ATP8A2: variants seen among roughly 807,000 people sequenced by gnomAD.
ATP8A2 encodes the protein ATPase phospholipid transporting 8A2.
ATP8A2 carries 100 observed loss-of-function variants against 165.6 expected under a neutral mutation model. The ratio of observed to expected loss-of-function variants is 0.60; its 90% CI spans 0.51 to 0.71. The LOEUF (loss-of-function observed/expected upper bound fraction) is 0.71, where lower values mean the gene tolerates loss of function less well. ATP8A2 is among the 30% of genes least tolerant of loss of function. The pLI is 0.00. For synonymous variants in ATP8A2, 543 were observed against 548.8 expected, an observed-to-expected ratio of 0.99 and a Z score of 0.15; for missense variants, 1,227 against 1,479.5, an observed-to-expected ratio of 0.83 and a Z score of 2.80.
At chr13:25,384,837 C>T (rs1050520039) in intron 1 of ATP8A2, among the ~76,000 whole-genome samples, 1 of 152,076 alleles carries the variant, frequency 6.6e-6, no homozygotes, top group Non-Finnish European at 1.5e-5. Context: ...CTTATGATTC[C>T]AGAACCCCCA....
At chr13:25,665,360 A>AG (rs2042130592) in intron 24 of ATP8A2, among the ~76,000 whole-genome samples, 1 of 152,142 alleles carries the variant, frequency 6.6e-6, no homozygotes, top group Non-Finnish European at 1.5e-5. Flanking sequence ...TGGGAGGCTG[A>AG]GGAGGGAGGC....
intron 33 of ATP8A2, among the ~76,000 whole-genome samples, chr13:25,957,712 C>A (rs543370857): frequency 6.6e-6 from 1 of 152,252 alleles, no homozygotes; most frequent in East Asian, 1.9e-4. Flanking sequence ...TGTGGTGATT[C>A]CTCAGGGATC....
In ATP8A2 at chr13:25,540,368, A is replaced by G; in HGVS notation, c.631A>G (p.Thr211Ala). The part of the protein sequence containing the change: ...YVETANLDGE[T>A]NLKIRQGLSH... ...TGAAACAGCTAATCTGGATGGGGAG[A>G]CGAACCTTAAAATACGTCAGGTAAA... Residue 211 changes from threonine (T) to alanine (A), a missense_variant, in exon 8 of 37, where the codon ACG becomes GCG. Physicochemically the swap from Thr to Ala is moderately conservative, Grantham distance 58 (BLOSUM62 0). This residue lies in a region of ATP8A2 where 356 missense variants were observed against 394.9 expected (regional missense o/e 0.90). Transcript: ENST00000381655. The G allele has an allele frequency of 6.2e-7, 1 of 1,613,656 alleles. No homozygotes were observed. The highest frequency in any genetic ancestry group is 8.5e-7 in the Non-Finnish European group (1 of 1,179,584).
chr13:25,625,785 T>C (rs2137482163), intron 24 of ATP8A2, among the ~76,000 whole-genome samples: 1 of 152,344 alleles, frequency 6.6e-6, no homozygotes, highest in East Asian at 1.9e-4. Context: ...CCAAAAGGCA[T>C]AATTGGTGTA....
At chr13:25,526,082 A>G (rs759715031) in intron 2 of ATP8A2, among the ~76,000 whole-genome samples, 1 of 151,798 alleles carries the variant, frequency 6.6e-6, no homozygotes, top group East Asian at 1.9e-4. Context: ...TCTCCTACTG[A>G]CAGCCTCTAA....
intron 23 of ATP8A2, among the ~76,000 whole-genome samples, chr13:25,585,390 T>A (rs1205292354): frequency 6.6e-6 from 1 of 152,198 alleles, no homozygotes; most frequent in Non-Finnish European, 1.5e-5. Context: ...TCGCAGTCTG[T>A]AATTTTTTTT....
intron 33 of ATP8A2, among the ~76,000 whole-genome samples, chr13:25,888,723 G>A (rs1458345798): frequency 6.6e-6 from 1 of 152,204 alleles, no homozygotes; most frequent in African/African-American, 2.4e-5. Flanking sequence ...GCCAAGCATG[G>A]TGGCGCATGT....
intron 33 of ATP8A2, among the ~76,000 whole-genome samples, chr13:25,874,560 G>C (rs1426787238): frequency 6.6e-6 from 1 of 152,214 alleles, no homozygotes; most frequent in African/African-American, 2.4e-5. Context: ...ACAGAAAACA[G>C]AAAATAAGTA....
intron 24 of ATP8A2, among the ~76,000 whole-genome samples, chr13:25,654,487 G>A (rs548823998): frequency 4.6e-5 from 7 of 152,194 alleles, no homozygotes; most frequent in South Asian, 2.1e-4. Flanking sequence ...GATTACAGGC[G>A]TGAGCCACTG....
At chr13:25,813,507 A>G (rs908218656) in intron 27 of ATP8A2, among the ~76,000 whole-genome samples, 2 of 151,532 alleles carry the variant, frequency 1.3e-5, no homozygotes, top group African/African-American at 2.4e-5. Context: ...ATATGGTATG[A>G]TATATGATAT....
chr13:25,953,029 C>T lies in ATP8A2; in HGVS notation c.3184-8546C>T, dbSNP rs1418257576. Among the ~76,000 whole-genome samples, 12 of 152,122 alleles carry T rather than the reference C, an allele frequency of 7.9e-5. No homozygotes were observed. In the South Asian group the frequency reaches 1.0e-3, roughly 13 times the overall value. On this transcript the variant is annotated intron_variant, in intron 33 of 36. Transcript: ENST00000381655. The surrounding 1 kb of genome is among the most constrained non-coding windows in gnomAD (Gnocchi z 6.7). The stretch of plus-strand genomic sequence containing the variant: ...AATTTTAGGAGGCAACACTGAGGGG[C>T]AAGGAGGGCTGAGAAGAGAAGGTGG...
At chr13:25,599,149 A>G (rs1443214476) in intron 24 of ATP8A2, among the ~76,000 whole-genome samples, 3 of 152,130 alleles carry the variant, frequency 2.0e-5, no homozygotes, top group Non-Finnish European at 2.9e-5. Context: ...GTCCCTGTAC[A>G]TGTGCATAAA....
At chr13:25,754,324 T>C (rs1313164456) in intron 25 of ATP8A2, among the ~76,000 whole-genome samples, 1 of 152,152 alleles carries the variant, frequency 6.6e-6, no homozygotes, top group Non-Finnish European at 1.5e-5. Flanking sequence ...CTGCCCAGAC[T>C]CAGCATTTGT....
chr13:25,916,523 C>A (rs185532845), intron 33 of ATP8A2, among the ~76,000 whole-genome samples: 206 of 152,236 alleles, frequency 1.4e-3, no homozygotes, highest in Middle Eastern at 0.01. Flanking sequence ...GTCACCAGCC[C>A]GCTGCAGAAT....
intron 1 of ATP8A2, among the ~76,000 whole-genome samples, chr13:25,448,116 G>C (rs748902018): frequency 3.9e-5 from 6 of 152,212 alleles, no homozygotes; most frequent in Non-Finnish European, 8.8e-5. Context: ...CATGGGTCCA[G>C]GCTTGAGGGT....
In ATP8A2 at chr13:25,581,875, A is replaced by G; in HGVS notation, c.2064A>G (p.Pro688=). Residue 688 remains proline (P), a synonymous_variant, in exon 23 of 37, where the codon CCA becomes CCG. Transcript: ENST00000381655. ...AIEDRLQAGV[P]ETIATLLKAE... ...AAGATCGCCTTCAAGCAGGAGTTCCAGAAACCATCGCAACACTGTTGAAGG... is the reference window on the plus strand; with the variant it reads ...AAGATCGCCTTCAAGCAGGAGTTCCGGAAACCATCGCAACACTGTTGAAGG... The G allele has an allele frequency of 1.9e-6, 3 of 1,614,076 alleles. No individual in the cohort carries two copies. The highest frequency in any genetic ancestry group is 2.5e-6 in the Non-Finnish European group (3 of 1,179,934).
At chr13:25,663,517 G>A (rs935388327) in intron 24 of ATP8A2, among the ~76,000 whole-genome samples, 3 of 152,090 alleles carry the variant, frequency 2.0e-5, no homozygotes, top group Admixed American at 6.5e-5. Context: ...ATCATCTTTT[G>A]TGTGCCACTG....
chr13:26,017,669 T>C (rs929613074), intron 36 of ATP8A2, among the ~76,000 whole-genome samples: 2 of 152,194 alleles, frequency 1.3e-5, no homozygotes, highest in African/African-American at 4.8e-5. Context: ...TCTTCGGTGC[T>C]TGAAAGCAGA....
intron 27 of ATP8A2, among the ~76,000 whole-genome samples, chr13:25,817,436 A>T (rs1213759344): frequency 6.6e-6 from 1 of 151,980 alleles, no homozygotes; most frequent in East Asian, 1.9e-4. Flanking sequence ...ACATTTTATA[A>T]CGCTGAGAAA....
Sources: allele counts gnomAD v4.1 joint callset (sites outside exome capture counted in the v4.1 genomes callset), GRCh38; gene constraint gnomAD v4.1.1; regional missense constraint gnomAD v4.1.1; non-coding constraint Gnocchi (gnomAD v3.1); transcripts MANE v1.5; gene names NCBI Gene and HGNC (gene_info 2026-07-23, HGNC 2026-07-21).